The following RBFOX1 variants were observed in gnomAD, a reference collection of about 807,000 sequenced individuals.
RBFOX1 encodes the protein RNA binding fox-1 homolog 1, also known as RNA binding protein fox-1 homolog 1.
In RBFOX1, 8 loss-of-function variants were observed where a neutral mutation model predicts 57.7. The ratio of observed to expected loss-of-function variants is 0.14; its 90% confidence interval spans 0.08 to 0.25. The LOEUF (loss-of-function observed/expected upper bound fraction) is 0.25. RBFOX1 is among the 10% of genes least tolerant of loss of function. The pLI is 1.00. For synonymous variants in RBFOX1, 326 were observed against 222.4 expected, an observed-to-expected ratio of 1.47 and a Z score of -4.15; for missense variants, 611 against 548.5, an observed-to-expected ratio of 1.11 and a Z score of -1.14.
chr16:6,708,287 AAC>A (rs138742593), intron 3 of RBFOX1, among the ~76,000 whole-genome samples: 3 of 143,002 alleles, frequency 2.1e-5, no homozygotes, highest in African/African-American at 4.9e-5. Flanking sequence ...AGCATTTTTG[AAC>A]ACACACACAC....
At chr16:6,888,926 T>G (rs145542024) in intron 3 of RBFOX1, among the ~76,000 whole-genome samples, 1 of 152,200 alleles carries the variant, frequency 6.6e-6, no homozygotes, top group Non-Finnish European at 1.5e-5. Context: ...GCCAAGCAGA[T>G]AGAAACCTTT....
At chr16:5,526,718 G>A (rs779233837) in intron 2 of RBFOX1, among the ~76,000 whole-genome samples, 16 of 152,240 alleles carry the variant, frequency 1.1e-4, no homozygotes, top group Admixed American at 5.9e-4. Flanking sequence ...CCCCTGCTGT[G>A]CCCCTCTCCC....
chr16:5,333,214 A>C (rs2064806543), intron 1 of RBFOX1, among the ~76,000 whole-genome samples: 1 of 151,822 alleles, frequency 6.6e-6, no homozygotes, highest in East Asian at 1.9e-4. Context: ...ACCAAACTAC[A>C]CTAGAAAGAT....
intron 4 of RBFOX1, among the ~76,000 whole-genome samples, chr16:7,103,677 A>C (rs1294758684): frequency 1.3e-5 from 2 of 152,210 alleles, no homozygotes; most frequent in African/African-American, 4.8e-5. Context: ...CATAATAAAA[A>C]TGACTTAAAG....
At chr16:7,130,823 C>G (rs965880912) in intron 4 of RBFOX1, among the ~76,000 whole-genome samples, 11 of 152,216 alleles carry the variant, frequency 7.2e-5, no homozygotes, top group Non-Finnish European at 1.3e-4. Flanking sequence ...GGAACAAGAA[C>G]ACTTTCTCAT....
chr16:7,565,060 A>C (rs1231203315), intron 5 of RBFOX1, among the ~76,000 whole-genome samples: 1 of 152,206 alleles, frequency 6.6e-6, no homozygotes, highest in Admixed American at 6.5e-5. Context: ...ATGAAAAAGC[A>C]GGAAGCTGGG....
chr16:6,711,264 T>G (rs923134332), intron 3 of RBFOX1, among the ~76,000 whole-genome samples: 3 of 152,158 alleles, frequency 2.0e-5, no homozygotes, highest in Admixed American at 2.0e-4. Context: ...CACTGTTTTG[T>G]CTCCACACGC....
chr16:6,953,208 C>T (rs533374165), intron 3 of RBFOX1, among the ~76,000 whole-genome samples: 1 of 151,996 alleles, frequency 6.6e-6, no homozygotes, highest in Non-Finnish European at 1.5e-5. Context: ...GGTATGTGTC[C>T]GGTGCTCTCA....
intron 3 of RBFOX1, among the ~76,000 whole-genome samples, chr16:6,986,488 C>G (rs2090316672): frequency 6.6e-6 from 1 of 152,130 alleles, no homozygotes; most frequent in African/African-American, 2.4e-5. Context: ...CGTGAGCCAC[C>G]ACGTCCAGCC....
chr16:7,298,454 G>A (rs1225015550), intron 4 of RBFOX1, among the ~76,000 whole-genome samples: 1 of 151,834 alleles, frequency 6.6e-6, no homozygotes, highest in East Asian at 1.9e-4. Flanking sequence ...ATGCCTGAGG[G>A]CTAATTTTTG....
At chr16:5,398,381 GTGTA>G (rs544504533) in intron 1 of RBFOX1, among the ~76,000 whole-genome samples, 131 of 152,256 alleles carry the variant, frequency 8.6e-4, no homozygotes, top group Non-Finnish European at 1.5e-3. Context: ...ATGTGCTTGT[GTGTA>G]TGCATGTGAG....
intron 1 of RBFOX1, among the ~76,000 whole-genome samples, chr16:5,312,001 G>A (rs2064103552): frequency 6.6e-6 from 1 of 152,180 alleles, no homozygotes; most frequent in Non-Finnish European, 1.5e-5. Context: ...TTCTATTAAT[G>A]CCTGAATTTC....
intron 4 of RBFOX1, among the ~76,000 whole-genome samples, chr16:7,319,827 G>C (rs2096513163): frequency 6.6e-6 from 1 of 152,102 alleles, no homozygotes; most frequent in African/African-American, 2.4e-5. Flanking sequence ...ATGATGTAAG[G>C]CCTCTGAGTT....
In RBFOX1 at chr16:6,415,373, C is replaced by G. The variant is rs191450752; in HGVS notation, c.-64+98316C>G. 5.0e-3 allele frequency among the ~76,000 whole-genome samples: 759 copies of G among 151,718 alleles called. 8 individuals are homozygous for G. Among genetic ancestry groups the G allele is most frequent in the African/African-American group, 0.018 (725 of 41,342 alleles). ...CTTAAGTGATAAGCCCAAGCTCATA[C>G]AGCTAGGAAGAAGATGATGCGTTTA... is the stretch of plus-strand genomic sequence containing the variant. On this transcript the variant is annotated intron_variant, in intron 2 of 15. Coordinates refer to ENST00000550418, the MANE Select transcript of RBFOX1 (RefSeq NM_018723.4).
intron 4 of RBFOX1, among the ~76,000 whole-genome samples, chr16:5,951,628 C>T (rs1379576016): frequency 6.6e-6 from 1 of 152,016 alleles, no homozygotes; most frequent in Non-Finnish European, 1.5e-5. Context: ...CAGAAACCCC[C>T]ACACCACTTA....
chr16:5,776,095 A>C (rs2054138446), intron 3 of RBFOX1, among the ~76,000 whole-genome samples: 1 of 152,274 alleles, frequency 6.6e-6, no homozygotes. Flanking sequence ...TTATGTCTAC[A>C]TTTCTGGGAT....
chr16:5,922,664 C>T (rs926470760), intron 4 of RBFOX1, among the ~76,000 whole-genome samples: 3 of 152,184 alleles, frequency 2.0e-5, no homozygotes, highest in South Asian at 2.1e-4. Context: ...AGTAACCACC[C>T]ACCCTCATAT....
rs74836825 is a variant in RBFOX1, at chr16:5,572,628, G to C, written c.259-26274G>C. 7.5e-3 allele frequency among the ~76,000 whole-genome samples: 1,144 copies of C among 152,312 alleles called. 13 individuals carry two copies. The highest frequency in any genetic ancestry group is 0.025 in the African/African-American group (1,040 of 41,552). On this transcript the variant is annotated intron_variant, in intron 2 of 2. Coordinates refer to the RBFOX1 transcript ENST00000585867. ...ACCCCTGATCTGTGCAGCGGGAAGA[G>C]AGAATCTGTGAAATAGTGTAATGGA...
intron 4 of RBFOX1, among the ~76,000 whole-genome samples, chr16:7,428,747 T>A (rs1030894564): frequency 1.3e-5 from 2 of 151,930 alleles, no homozygotes; most frequent in Non-Finnish European, 2.9e-5. Flanking sequence ...CACAATGATA[T>A]ATGTGGATTT....
Sources: gnomAD v4.1 joint callset for allele counts (sites outside exome capture counted in the v4.1 genomes callset) on GRCh38, gnomAD v4.1.1 for gene constraint, MANE v1.5 for transcripts, NCBI Gene and HGNC (gene_info 2026-07-23, HGNC 2026-07-21) for gene names.